PLCE1: variants seen among roughly 807,000 people sequenced by gnomAD.
PLCE1 encodes phospholipase C epsilon 1, also known as 1-phosphatidylinositol 4,5-bisphosphate phosphodiesterase epsilon-1.
A neutral mutation model predicts 242.8 loss-of-function variants in PLCE1; 119 were observed. That is an observed-to-expected ratio of 0.49 (90% CI 0.42 to 0.57). The LOEUF (loss-of-function observed/expected upper bound fraction) is 0.57. PLCE1 is among the 20% of genes least tolerant of loss of function. The pLI, the probability that PLCE1 is intolerant of heterozygous loss-of-function variation, is 0.00. For synonymous variants in PLCE1, 945 were observed against 1,017.4 expected (o/e 0.93, Z 1.35); for missense variants, 2,441 against 2,788.8 (o/e 0.88, Z 2.81).
chr10:94,191,301 C>T, intron 4 of PLCE1, among the ~76,000 whole-genome samples: 1 of 150,758 alleles, frequency 6.6e-6, no homozygotes, highest in South Asian at 2.1e-4. Flanking sequence ...CAGAGAGGAC[C>T]CCCCCTGCCC....
intron 4 of PLCE1, among the ~76,000 whole-genome samples, chr10:94,183,040 T>A (rs552543526): frequency 3.9e-5 from 6 of 152,250 alleles, no homozygotes; most frequent in Non-Finnish European, 8.8e-5. Context: ...TAAATGACTC[T>A]GAACACTGTG....
In PLCE1 at chr10:94,265,813, A is replaced by C; in HGVS notation, c.4136A>C (p.Asn1379Thr). The C allele has an allele frequency of 6.2e-7, 1 of 1,614,070 alleles. No individual in the cohort carries two copies. Among genetic ancestry groups the C allele is most frequent in the Non-Finnish European group, 8.5e-7 (1 of 1,179,980 alleles). The change falls in exon 16 of 33, where the codon AAT (asparagine) becomes ACT (threonine). Residue 1379 changes from asparagine to threonine, a missense_variant. Coordinates refer to ENST00000371380, the MANE Select transcript of PLCE1 (RefSeq NM_016341.4). Reference protein sequence around the residue: ...GFARFLMDKENFASKNDESQE... With the variant: ...GFARFLMDKETFASKNDESQE... The stretch of plus-strand genomic sequence containing the variant: ...CCTAGGTTTCTGATGGATAAAGAAA[A>C]TTTTGCCTCAAAAAATGATGAGTCA...
intron 24 of PLCE1, among the ~76,000 whole-genome samples, chr10:94,301,403 G>A (rs1416794469): frequency 2.6e-5 from 4 of 151,904 alleles, no homozygotes; most frequent in Non-Finnish European, 5.9e-5. Context: ...AGATCGATAA[G>A]AGTCAACAGT....
In PLCE1 at chr10:93,994,034, G is replaced by A. The variant is rs1256173556; in HGVS notation, c.-589G>A. Among the ~76,000 whole-genome samples the A allele has an allele frequency of 6.6e-6, 1 of 151,542 alleles. No homozygotes were observed. Among genetic ancestry groups the A allele is most frequent in the Non-Finnish European group, 1.5e-5 (1 of 67,724 alleles). On this transcript the variant is annotated 5_prime_UTR_variant, in exon 1 of 33. Transcript: ENST00000371380. ...GCGGCGGGCGGCGGGCTCGCGCGGCGGGAGGGGCAGCGGCGGCGCGCCCGG... is the reference window on the plus strand; with the variant it reads ...GCGGCGGGCGGCGGGCTCGCGCGGCAGGAGGGGCAGCGGCGGCGCGCCCGG...
chr10:94,113,288 C>G (rs1430058401), intron 2 of PLCE1, among the ~76,000 whole-genome samples: 1 of 146,908 alleles, frequency 6.8e-6, no homozygotes, highest in African/African-American at 2.5e-5. Context: ...AAAAAAAAAG[C>G]CAAGGGTTCC....
chr10:94,318,096 G>A (rs2053639513), intron 29 of PLCE1, among the ~76,000 whole-genome samples: 1 of 152,166 alleles, frequency 6.6e-6, no homozygotes, highest in Admixed American at 6.5e-5. Context: ...CAACTCTAGA[G>A]CCCAGAGCCA....
chr10:93,994,030 C>A lies in PLCE1; in HGVS notation c.-593C>A, dbSNP rs1201853672. 6.6e-6 allele frequency among the ~76,000 whole-genome samples: 1 copy of A among 151,696 alleles called. No homozygotes were observed. The highest frequency in any genetic ancestry group is 1.5e-5 in the Non-Finnish European group (1 of 67,838). On this transcript the variant is annotated 5_prime_UTR_variant, in exon 1 of 33. Transcript: ENST00000371380. ...CAACGCGGCGGGCGGCGGGCTCGCGCGGCGGGAGGGGCAGCGGCGGCGCGC... is the reference window on the plus strand; with the variant it reads ...CAACGCGGCGGGCGGCGGGCTCGCGAGGCGGGAGGGGCAGCGGCGGCGCGC...
intron 7 of PLCE1, among the ~76,000 whole-genome samples, chr10:94,236,456 A>G (rs2050327758): frequency 6.6e-6 from 1 of 151,778 alleles, no homozygotes; most frequent in Admixed American, 6.6e-5. Context: ...TTTATTTCCT[A>G]GTTTTTGTAA....
At chr10:94,230,167 G>A (rs1329019399) in intron 5 of PLCE1, among the ~76,000 whole-genome samples, 2 of 152,044 alleles carry the variant, frequency 1.3e-5, no homozygotes, top group East Asian at 1.9e-4. Flanking sequence ...TAAGCCACTA[G>A]TAAGAAGTAC....
At chr10:94,140,277 T>C (rs889226727) in intron 3 of PLCE1, among the ~76,000 whole-genome samples, 1 of 151,920 alleles carries the variant, frequency 6.6e-6, no homozygotes, top group African/African-American at 2.4e-5. Flanking sequence ...GATAGAAAAG[T>C]CTACCAGCAC....
chr10:94,123,018 T>C (rs2046341695), intron 2 of PLCE1, among the ~76,000 whole-genome samples: 1 of 152,228 alleles, frequency 6.6e-6, no homozygotes. Flanking sequence ...TGCCCTGTGC[T>C]GGGGACAAAA....
chr10:94,095,884 T>C (rs1397772304), intron 2 of PLCE1, among the ~76,000 whole-genome samples: 1 of 152,186 alleles, frequency 6.6e-6, no homozygotes, highest in African/African-American at 2.4e-5. Context: ...TTGGAGGAAC[T>C]ATCCAGGCCA....
intron 4 of PLCE1, among the ~76,000 whole-genome samples, chr10:94,214,719 T>A (rs1285288887): frequency 6.6e-6 from 1 of 152,132 alleles, no homozygotes; most frequent in African/African-American, 2.4e-5. Context: ...TTGGTGAAAA[T>A]TTGCATTTCA....
At chr10:94,256,288 C>T (rs966151637) in intron 11 of PLCE1, among the ~76,000 whole-genome samples, 20 of 138,978 alleles carry the variant, frequency 1.4e-4, no homozygotes, top group African/African-American at 4.2e-4. Flanking sequence ...CATGCCATTG[C>T]GCTCCAGCCT....
chr10:94,198,351 G>T (rs2048889539), intron 4 of PLCE1, among the ~76,000 whole-genome samples: 1 of 152,146 alleles, frequency 6.6e-6, no homozygotes, highest in Non-Finnish European at 1.5e-5. Context: ...CTTCTACTTG[G>T]CAAATATGAA....
intron 27 of PLCE1, among the ~76,000 whole-genome samples, chr10:94,310,467 A>C (rs1047636975): frequency 6.6e-6 from 1 of 152,152 alleles, no homozygotes; most frequent in Non-Finnish European, 1.5e-5. Flanking sequence ...GGTGGGCCCC[A>C]GGCATCAGTT....
intron 19 of PLCE1, among the ~76,000 whole-genome samples, chr10:94,275,357 C>T (rs2051904502): frequency 6.6e-6 from 1 of 152,118 alleles, no homozygotes; most frequent in East Asian, 1.9e-4. Context: ...CTTTACTTAC[C>T]ATTAAGAATA....
At chr10:94,279,649 C>T in intron 19 of PLCE1, 133 bp from the exon 20 acceptor site, 3 of 923,716 alleles carry the variant, frequency 3.2e-6, no homozygotes, top group Admixed American at 2.0e-5. Context: ...AGATTTTTTT[C>T]TCCTCTCCCA....
At chr10:94,147,379 G>T (rs1298344746) in intron 3 of PLCE1, among the ~76,000 whole-genome samples, 1 of 151,928 alleles carries the variant, frequency 6.6e-6, no homozygotes, top group Non-Finnish European at 1.5e-5. Context: ...CCAAGATGGC[G>T]CCACTGCACT....
Sources: gnomAD v4.1 joint callset for allele counts (sites outside exome capture counted in the v4.1 genomes callset) on GRCh38, gnomAD v4.1.1 for gene constraint, MANE v1.5 for transcripts, NCBI Gene and HGNC (gene_info 2026-07-23, HGNC 2026-07-21) for gene names.